Variants in DRAM1 observed in about 807,000 individuals in gnomAD.
DRAM1 encodes DNA damage regulated autophagy modulator 1.
In DRAM1, 25 loss-of-function variants were observed where a neutral mutation model predicts 28.5. That is an observed-to-expected ratio of 0.88 (90% CI 0.64 to 1.23). The LOEUF (loss-of-function observed/expected upper bound fraction) is 1.23, where lower values mean the gene tolerates loss of function less well. DRAM1 is among the 50% of genes most tolerant of loss of function. DRAM1 has a pLI of 0.00. For missense variants in DRAM1, 249 were observed against 299.2 expected (o/e 0.83, Z 1.24); for synonymous variants, 113 against 114.2 (o/e 0.99, Z 0.07).
intron 1 of DRAM1, among the ~76,000 whole-genome samples, chr12:101,897,408 C>T (rs1284998180): frequency 6.6e-6 from 1 of 150,690 alleles, no homozygotes; most frequent in Non-Finnish European, 1.5e-5. Context: ...ACCATGTTGG[C>T]CAGGCTGGTC....
chr12:101,886,120 C>G (rs916013311), intron 1 of DRAM1, among the ~76,000 whole-genome samples: 4 of 152,184 alleles, frequency 2.6e-5, no homozygotes, highest in Admixed American at 6.6e-5. Flanking sequence ...TTTTCCAGCA[C>G]AGTTAGAGAT....
At chr12:101,895,204 T>TTTTTTTG (rs1458012892) in intron 1 of DRAM1, among the ~76,000 whole-genome samples, 4 of 137,954 alleles carry the variant, frequency 2.9e-5, no homozygotes, top group African/African-American at 1.2e-4. Flanking sequence ...TTTTTTTTTT[T>TTTTTTTG]TTTTTTTTTT....
chr12:101,890,065 C>CT (rs367836120), intron 1 of DRAM1: 1 of 447,166 alleles, frequency 2.2e-6, no homozygotes, highest in Non-Finnish European at 4.5e-6. Context: ...TTTTCTTTTT[C>CT]TTTTTTCTTT....
rs79552954 is a variant in DRAM1 at position 101,903,961 on chromosome 12, A to C, written c.342+2528A>C. On this transcript the variant is annotated intron_variant, in intron 3 of 6. Coordinates refer to ENST00000258534, the MANE Select transcript of DRAM1 (RefSeq NM_018370.3). ...CACACACACACACACACACACACAC[A>C]CCCCTATAAGCCTCATAAATATGAA... is the stretch of plus-strand genomic sequence containing the variant. 2.3e-3 allele frequency among the ~76,000 whole-genome samples: 270 copies of C among 116,490 alleles called. 4 individuals carry two copies. The highest frequency in any genetic ancestry group is 0.01 in the African/African-American group (175 of 17,106). The allele number at this position is 116,490 out of a possible 152,430, so 76.4% of individuals were successfully genotyped here.
At chr12:101,920,300 T>TC (rs1874432175) in intron 6 of DRAM1, 99 bp downstream of exon 6, 1 of 248,990 alleles carries the variant, frequency 4.0e-6, no homozygotes. Context: ...GCACTTTCTT[T>TC]TTTTTTTTTT....
At chr12:101,917,263 G>A (rs1042767116) in intron 5 of DRAM1, among the ~76,000 whole-genome samples, 2 of 152,200 alleles carry the variant, frequency 1.3e-5, no homozygotes, top group South Asian at 4.1e-4. Context: ...GGTAAAGGAG[G>A]AACACCAGGG....
chr12:101,913,243 CTT>C (rs1164297981), intron 4 of DRAM1, among the ~76,000 whole-genome samples: 7 of 152,116 alleles, frequency 4.6e-5, no homozygotes, highest in African/African-American at 1.7e-4. Context: ...GGGCGAATCT[CTT>C]TGATTTGCCA....
chr12:101,895,870 G>T (rs73376873), intron 1 of DRAM1, among the ~76,000 whole-genome samples: 1 of 151,026 alleles, frequency 6.6e-6, no homozygotes, highest in Non-Finnish European at 1.5e-5. Context: ...GCGCCTGGTC[G>T]TAAGGGAGGC....
chr12:101,915,137 C>G (rs1874189049), intron 5 of DRAM1, among the ~76,000 whole-genome samples: 1 of 151,874 alleles, frequency 6.6e-6, no homozygotes, highest in African/African-American at 2.4e-5. Context: ...CTGCCACCAC[C>G]CCCGGCTACT....
intron 5 of DRAM1, among the ~76,000 whole-genome samples, chr12:101,917,943 C>G (rs764628419): frequency 3.3e-5 from 5 of 152,090 alleles, no homozygotes; most frequent in African/African-American, 1.2e-4. Context: ...ATCACAAACC[C>G]GCTGCTGGGA....
At chr12:101,878,399 C>T (rs946225042) in intron 1 of DRAM1, among the ~76,000 whole-genome samples, 1 of 152,156 alleles carries the variant, frequency 6.6e-6, no homozygotes, top group Non-Finnish European at 1.5e-5. Flanking sequence ...ATATCATCAA[C>T]GTGACACTGA....
At chr12:101,904,761 T>TTC (rs142180418) in intron 3 of DRAM1, among the ~76,000 whole-genome samples, 46 of 151,708 alleles carry the variant, frequency 3.0e-4, no homozygotes, top group African/African-American at 1.0e-3. Flanking sequence ...TATTAAACTA[T>TTC]TCTCTCTCTC....
At chr12:101,916,843 G>A (rs1258787835) in intron 5 of DRAM1, among the ~76,000 whole-genome samples, 1 of 152,148 alleles carries the variant, frequency 6.6e-6, no homozygotes, top group Non-Finnish European at 1.5e-5. Flanking sequence ...GGATCCTGAG[G>A]GATTTTATAG....
intron 1 of DRAM1, among the ~76,000 whole-genome samples, chr12:101,882,228 C>G (rs1467037632): frequency 3.3e-5 from 5 of 150,642 alleles, no homozygotes; most frequent in Non-Finnish European, 7.4e-5. Flanking sequence ...CCTGCCTCAG[C>G]CTCCCGAGTA....
rs1035279525 is a variant in DRAM1, at chr12:101,882,164, A to G, written c.131+4244A>G. Among the ~76,000 whole-genome samples the G allele has an allele frequency of 7.1e-5, 10 of 141,150 alleles. No individual in the cohort carries two copies. In the Admixed American group the frequency reaches 8.2e-4, roughly 12 times the overall value. 92.6% of individuals were successfully genotyped at this position (141,150 alleles called of 152,430 possible). On this transcript the variant is annotated intron_variant, in intron 1 of 6. Transcript: ENST00000258534. ...GACGGAGTTTCCCAGGCTGGAGTGC[A>G]GTGGCGCGATCTCGGCTCACTGCAA...
chr12:101,895,425 G>C (rs923099672), intron 1 of DRAM1, among the ~76,000 whole-genome samples: 2 of 150,036 alleles, frequency 1.3e-5, no homozygotes, highest in African/African-American at 4.9e-5. Flanking sequence ...TGATCTTCCC[G>C]CCTCGGCCCA....
chr12:101,891,995 A>T (rs1323061776), intron 1 of DRAM1, among the ~76,000 whole-genome samples: 1 of 152,218 alleles, frequency 6.6e-6, no homozygotes, highest in Non-Finnish European at 1.5e-5. Context: ...TGAGCTTAAA[A>T]AAAATAAATA....
intron 1 of DRAM1, among the ~76,000 whole-genome samples, chr12:101,895,398 G>A (rs956869749): frequency 1.0e-4 from 15 of 150,268 alleles, no homozygotes; most frequent in African/African-American, 3.4e-4. Context: ...GGCTGGTCTC[G>A]AACTCCTGAG....
chr12:101,878,425 TGGTA>T (rs1872574711), intron 1 of DRAM1, among the ~76,000 whole-genome samples: 2 of 152,226 alleles, frequency 1.3e-5, no homozygotes, highest in South Asian at 4.1e-4. Flanking sequence ...CACTAGTTAA[TGGTA>T]GGAGCAGAAT....
Sources: allele counts gnomAD v4.1 joint callset (sites outside exome capture counted in the v4.1 genomes callset), GRCh38; gene constraint gnomAD v4.1.1; transcripts MANE v1.5; gene names NCBI Gene and HGNC (gene_info 2026-07-23, HGNC 2026-07-21).